Variants in TTLL7 observed in about 807,000 individuals in gnomAD.
TTLL7 encodes tubulin tyrosine ligase like 7, also known as tubulin polyglutamylase TTLL7.
TTLL7 carries 53 observed loss-of-function variants against 120.2 expected under a neutral mutation model. The ratio of observed to expected loss-of-function variants is 0.44; its 90% confidence interval spans 0.35 to 0.55. TTLL7 has a LOEUF of 0.55. Among genes scored for constraint, TTLL7 ranks in the 20% least tolerant of loss-of-function variants. The probability of loss-of-function intolerance (pLI) is 0.00; values close to 1 mark genes in which losing one functional copy is unlikely to be tolerated. For missense variants in TTLL7, 803 were observed against 1,054.7 expected, an observed-to-expected ratio of 0.76 and a Z score of 3.31; for synonymous variants, 353 against 351.7, an observed-to-expected ratio of 1.00 and a Z score of -0.04.
At chr1:83,934,439 AG>A (rs1413532420) in intron 8 of TTLL7, among the ~76,000 whole-genome samples, 1 of 152,210 alleles carries the variant, frequency 6.6e-6, no homozygotes, top group African/African-American at 2.4e-5. Flanking sequence ...AAAGGCTGAA[AG>A]GGCTGGAAGA....
chr1:83,950,265 T>C (rs922544994), intron 3 of TTLL7, among the ~76,000 whole-genome samples: 3 of 152,160 alleles, frequency 2.0e-5, no homozygotes, highest in African/African-American at 7.2e-5. Flanking sequence ...TGATTATTTA[T>C]GGCACAAGGA....
chr1:83,970,302 A>T (rs970490514), intron 1 of TTLL7, among the ~76,000 whole-genome samples: 18 of 152,122 alleles, frequency 1.2e-4, no homozygotes, highest in African/African-American at 4.3e-4. Flanking sequence ...CCAGGAATTC[A>T]AGCCAAGACT....
At chr1:83,986,852 G>T (rs1416472894) in intron 1 of TTLL7, among the ~76,000 whole-genome samples, 2 of 152,148 alleles carry the variant, frequency 1.3e-5, no homozygotes, top group Non-Finnish European at 2.9e-5. Context: ...AAAAAAAGAA[G>T]AAGAAGAAGA....
intron 14 of TTLL7, among the ~76,000 whole-genome samples, chr1:83,914,857 A>G (rs1160626513): frequency 6.6e-6 from 1 of 152,140 alleles, no homozygotes; most frequent in Non-Finnish European, 1.5e-5. Flanking sequence ...TATTTAACAA[A>G]TTGAACTAAT....
chr1:83,965,037 G>C (rs1650327058), intron 1 of TTLL7, among the ~76,000 whole-genome samples: 1 of 152,002 alleles, frequency 6.6e-6, no homozygotes, highest in South Asian at 2.1e-4. Flanking sequence ...GCCTTGAACT[G>C]GCTTTGGTGA....
At position 83,869,832 on chromosome 1, in the gene TTLL7, T is replaced by C. The variant is rs1350320580; in HGVS notation, c.*130A>G. On this transcript the variant is annotated 3_prime_UTR_variant, in exon 21 of 21. Coordinates refer to ENST00000260505, the MANE Select transcript of TTLL7 (RefSeq NM_024686.6). ...TGTTATTAGGGTGCATATGTGCATA[T>C]ATTTTCACACATATATATGTCTTAT... The C allele has an allele frequency of 1.6e-5, 14 of 897,462 alleles. No individual in the cohort carries two copies. The highest frequency in any genetic ancestry group is 3.3e-5 in the East Asian group (1 of 30,654). The allele number at this position is 897,462 out of a possible 1,614,324, so 55.6% of individuals were successfully genotyped here.
At chr1:83,928,935 AG>A (rs1308385989) in intron 10 of TTLL7, among the ~76,000 whole-genome samples, 200 bp downstream of exon 10, 3 of 152,024 alleles carry the variant, frequency 2.0e-5, no homozygotes, top group African/African-American at 7.2e-5. Flanking sequence ...ATGAGTTTAA[AG>A]AATAGATGGA....
At chr1:83,924,148 C>T (rs568111492) in intron 10 of TTLL7, among the ~76,000 whole-genome samples, 1 of 152,104 alleles carries the variant, frequency 6.6e-6, no homozygotes, top group East Asian at 1.9e-4. Flanking sequence ...AGGGCCATTA[C>T]CCTCGAGGAG....
intron 18 of TTLL7, among the ~76,000 whole-genome samples, chr1:83,903,729 A>G (rs1228810028): frequency 6.6e-6 from 1 of 152,016 alleles, no homozygotes; most frequent in Non-Finnish European, 1.5e-5. Flanking sequence ...AGACACAGCC[A>G]TCCTTTTTTT....
chr1:83,962,271 T>C (rs1164040682), intron 1 of TTLL7, among the ~76,000 whole-genome samples: 1 of 152,116 alleles, frequency 6.6e-6, no homozygotes, highest in Admixed American at 6.6e-5. Context: ...TTCCATATCT[T>C]GGTAAAGGGT....
intron 18 of TTLL7, among the ~76,000 whole-genome samples, chr1:83,895,023 T>A (rs574877177): frequency 6.6e-6 from 1 of 152,162 alleles, no homozygotes; most frequent in East Asian, 1.9e-4. Flanking sequence ...AACAGTCTTC[T>A]CCTATCTCTT....
intron 10 of TTLL7, among the ~76,000 whole-genome samples, chr1:83,922,407 T>C (rs987459476): frequency 6.6e-5 from 10 of 152,126 alleles, no homozygotes; most frequent in African/African-American, 2.2e-4. Context: ...ATTTAATTCA[T>C]CATGAGATTG....
rs1242647085 is a variant in TTLL7 at position 83,868,981 on chromosome 1, T to A, written c.*981A>T. On this transcript the variant is annotated 3_prime_UTR_variant, in exon 21 of 21. Transcript: ENST00000260505. ...ATTTATTTATTTTATTTTATTATTA[T>A]TTTTTTTTTTTGAGACAGAGTTTCA... 1.5e-5 allele frequency: 2 copies of A among 133,922 alleles called. No individual in the cohort carries two copies. 8.3% of individuals were successfully genotyped at this position (133,922 alleles called of 1,614,324 possible).
At chr1:83,880,906 G>C (rs977477073) in intron 20 of TTLL7, among the ~76,000 whole-genome samples, 2 of 151,956 alleles carry the variant, frequency 1.3e-5, no homozygotes, top group African/African-American at 2.4e-5. Flanking sequence ...TAGATCAATG[G>C]AACAGAACAG....
Position 83,887,189 on chromosome 1 carries a change from T to C in TTLL7, c.2369+3132A>G, listed in dbSNP as rs1655041363. 8 of 1,115,462 alleles carry C rather than the reference T, an allele frequency of 7.2e-6. 1 individual carries two copies. The highest frequency in any genetic ancestry group is 7.8e-6 in the Non-Finnish European group (7 of 895,512). 69.1% of individuals were successfully genotyped at this position (1,115,462 alleles called of 1,614,324 possible). A position where few individuals can be genotyped will look rare whatever the true frequency, so the allele number is the denominator to read the frequency against. On this transcript the variant is annotated intron_variant, in intron 19 of 20. Coordinates refer to ENST00000260505, the MANE Select transcript of TTLL7 (RefSeq NM_024686.6). The stretch of plus-strand genomic sequence containing the variant: ...ATGGTTTACTTACTTTGTTTTATTA[T>C]TGGGAATGTTGACAGGCAAAGGCAA...
chr1:83,938,165 C>T, intron 7 of TTLL7, 149 bp from the exon 8 acceptor site: 2 of 686,876 alleles, frequency 2.9e-6, no homozygotes, highest in Non-Finnish European at 4.9e-6. Flanking sequence ...AGATAATATC[C>T]CAATTAAATG....
intron 9 of TTLL7, among the ~76,000 whole-genome samples, chr1:83,929,736 C>T (rs1659433619): frequency 6.6e-6 from 1 of 152,190 alleles, no homozygotes; most frequent in Non-Finnish European, 1.5e-5. Flanking sequence ...AATAAAAGAG[C>T]TGGAGTGTTT....
At chr1:83,977,279 A>G (rs1291031566) in intron 1 of TTLL7, among the ~76,000 whole-genome samples, 2 of 152,110 alleles carry the variant, frequency 1.3e-5, no homozygotes, top group African/African-American at 4.8e-5. Flanking sequence ...TTAGAGTAGG[A>G]TAGAAATGAG....
chr1:83,993,530 A>C (rs985483329), intron 1 of TTLL7, among the ~76,000 whole-genome samples: 1 of 152,248 alleles, frequency 6.6e-6, no homozygotes, highest in African/African-American at 2.4e-5. Flanking sequence ...AAAGACAAAA[A>C]TAACACCAAG....
Sources: gnomAD v4.1 joint callset for allele counts (sites outside exome capture counted in the v4.1 genomes callset) on GRCh38, gnomAD v4.1.1 for gene constraint, MANE v1.5 for transcripts, NCBI Gene and HGNC (gene_info 2026-07-23, HGNC 2026-07-21) for gene names.